Variants in RNF138 observed in about 807,000 individuals in gnomAD.
RNF138 encodes ring finger protein 138.
In RNF138, 12 loss-of-function variants were observed where a neutral mutation model predicts 31.0. That is an observed-to-expected ratio of 0.39 (90% CI 0.25 to 0.63). The LOEUF (loss-of-function observed/expected upper bound fraction) is 0.63. RNF138 is among the 20% of genes least tolerant of loss of function. The probability of loss-of-function intolerance (pLI) is 0.52; values close to 1 mark genes in which losing one functional copy is unlikely to be tolerated. For missense variants in RNF138, 192 were observed against 300.1 expected, an observed-to-expected ratio of 0.64 and a Z score of 2.66; for synonymous variants, 105 against 99.5, an observed-to-expected ratio of 1.06 and a Z score of -0.33.
intron 2 of RNF138, among the ~76,000 whole-genome samples, chr18:32,108,602 G>T (rs1046386799): frequency 2.0e-5 from 3 of 151,906 alleles, no homozygotes; most frequent in Non-Finnish European, 4.4e-5. Flanking sequence ...TTCAGTTTGG[G>T]GCTATTATAA....
In RNF138 at chr18:32,100,468, CTTTTTTTT is replaced by C. The variant is rs754111567; in HGVS notation, c.110+7599_110+7606del. 1.7e-3 allele frequency among the ~76,000 whole-genome samples: 121 copies of C among 69,884 alleles called. 1 individual carries two copies. The highest frequency in any genetic ancestry group is 5.4e-3 in the African/African-American group (99 of 18,368). The allele number at this position is 69,884 out of a possible 152,430, so 45.8% of individuals were successfully genotyped here. A position where few individuals can be genotyped will look rare whatever the true frequency, so the allele number is the denominator to read the frequency against. Reference sequence around the variant, plus strand: ...ATGTGCCACCACCACACCCAACTAACTTTTTTTTTTTTTTTTTTTTTTTTGAGACGGAG... The same window carrying C: ...ATGTGCCACCACCACACCCAACTAACTTTTTTTTTTTTTTTTGAGACGGAG... On this transcript the variant is annotated intron_variant, in intron 2 of 7. Transcript: ENST00000261593.
At chr18:32,107,783 C>T (rs1318203555) in intron 2 of RNF138, among the ~76,000 whole-genome samples, 2 of 151,972 alleles carry the variant, frequency 1.3e-5, no homozygotes, top group Admixed American at 1.3e-4. Flanking sequence ...TCCCAAAGTG[C>T]TGGGATTACA....
chr18:32,099,438 T>A (rs2039878018), intron 2 of RNF138, among the ~76,000 whole-genome samples: 1 of 152,206 alleles, frequency 6.6e-6, no homozygotes, highest in Non-Finnish European at 1.5e-5. Flanking sequence ...AATCTCGCTC[T>A]GTTGCCCAGA....
At position 32,117,169 on chromosome 18, in the gene RNF138, T is replaced by C. The variant is rs568472416; in HGVS notation, c.392+3309T>C. Among the ~76,000 whole-genome samples the C allele has an allele frequency of 2.0e-3, 298 of 152,138 alleles. 3 individuals are homozygous for C. Among genetic ancestry groups the C allele is most frequent in the Middle Eastern group, 3.4e-3 (1 of 294 alleles). Reference sequence around the variant, plus strand: ...CACCTGCCTCGGCCTCCCAAAGTGATGGGATTACAGGCATGAACCACCCGC... The same window carrying C: ...CACCTGCCTCGGCCTCCCAAAGTGACGGGATTACAGGCATGAACCACCCGC... On this transcript the variant is annotated intron_variant, in intron 4 of 7. Transcript: ENST00000261593.
chr18:32,105,463 G>A (rs1197738772), intron 2 of RNF138, among the ~76,000 whole-genome samples: 5 of 152,154 alleles, frequency 3.3e-5, no homozygotes, highest in Admixed American at 6.6e-5. Flanking sequence ...AGTTCCACAC[G>A]TTTTGGAACT....
chr18:32,092,455 G>A (rs1165293981), intron 1 of RNF138, among the ~76,000 whole-genome samples: 2 of 152,022 alleles, frequency 1.3e-5, no homozygotes, highest in Non-Finnish European at 2.9e-5. Context: ...GCGTGAGGCC[G>A]CGTCCTGGGG....
rs182289669 is a variant in RNF138 at position 32,115,614 on chromosome 18, G to A, written c.392+1754G>A. Among the ~76,000 whole-genome samples the A allele has an allele frequency of 9.7e-4, 147 of 152,198 alleles. 1 individual carries two copies. Among genetic ancestry groups the A allele is most frequent in the African/African-American group, 2.9e-3 (121 of 41,532 alleles). Reference sequence around the variant, plus strand: ...ACAAAAATTAGCTGGACGTGGTGGCGCGTGCCTATAGTCCCAGCTACTTGG... The same window carrying A: ...ACAAAAATTAGCTGGACGTGGTGGCACGTGCCTATAGTCCCAGCTACTTGG... On this transcript the variant is annotated intron_variant, in intron 4 of 7. Coordinates refer to ENST00000261593, the MANE Select transcript of RNF138 (RefSeq NM_016271.5).
intron 7 of RNF138, among the ~76,000 whole-genome samples, chr18:32,128,164 T>C (rs765379880): frequency 6.6e-6 from 1 of 152,206 alleles, no homozygotes; most frequent in African/African-American, 2.4e-5. Context: ...GGCATAAAAT[T>C]GATAGCAAAT....
rs1379981886 is a variant in RNF138 at position 32,113,855 on chromosome 18, G to C, written c.387G>C (p.Gly129=). 6 of 1,412,772 alleles carry C rather than the reference G, an allele frequency of 4.2e-6. No individual in the cohort carries two copies. In the South Asian group the frequency reaches 7.6e-5, roughly 18 times the overall value. The allele number at this position is 1,412,772 out of a possible 1,614,324, so 87.5% of individuals were successfully genotyped here. Residue 129 remains glycine, a synonymous_variant, in exon 4 of 8, where the codon GGG becomes GGC. Coordinates refer to ENST00000261593, the MANE Select transcript of RNF138 (RefSeq NM_016271.5). ...PNFQISQDSV[G]NSNRSETSTS... ...TTCAGATCTCTCAAGATTCAGTAGG[G>C]AACAGGTAAGCAATACTTATTCCTA...
chr18:32,102,195 CTTTTT>C (rs1167535943), intron 2 of RNF138, among the ~76,000 whole-genome samples: 5 of 63,812 alleles, frequency 7.8e-5, no homozygotes, highest in South Asian at 6.3e-4. Context: ...CTTTTAGTTT[CTTTTT>C]TTTTTTTTTT....
intron 3 of RNF138, among the ~76,000 whole-genome samples, chr18:32,113,388 A>T (rs896242408): frequency 3.9e-5 from 6 of 152,120 alleles, no homozygotes; most frequent in African/African-American, 1.4e-4. Context: ...AGTGCTTTCT[A>T]ACTCTGCCAG....
chr18:32,123,616 A>G (rs2040340010), intron 5 of RNF138, 42 bp downstream of exon 5: 1 of 1,245,638 alleles, frequency 8.0e-7, no homozygotes, highest in Non-Finnish European at 1.1e-6. Flanking sequence ...AAGTAATATT[A>G]TATTTATCAC....
intron 2 of RNF138, among the ~76,000 whole-genome samples, chr18:32,110,446 C>G (rs1470320853): frequency 6.6e-6 from 1 of 152,180 alleles, no homozygotes; most frequent in African/African-American, 2.4e-5. Context: ...ACAGCCGAAT[C>G]AGTTGTAGAT....
Position 32,121,279 on chromosome 18 carries a change from T to TGAGGTTG in RNF138, c.393-2237_393-2231dup, listed in dbSNP as rs1400412661. Among the ~76,000 whole-genome samples, 4 of 152,288 alleles carry TGAGGTTG rather than the reference T, an allele frequency of 2.6e-5. No homozygotes were observed. The South Asian group carries it at 8.3e-4, about 32-fold the overall frequency. Reference sequence around the variant, plus strand: ...GGGAGGCCAAGGCGGGCAGATCACCTGAGGTTGGGAGTTTGAGACCAGCCT... The same window carrying TGAGGTTG: ...GGGAGGCCAAGGCGGGCAGATCACCTGAGGTTGGAGGTTGGGAGTTTGAGACCAGCCT... On this transcript the variant is annotated intron_variant, in intron 4 of 7. Transcript: ENST00000261593.
At chr18:32,126,851 A>T in intron 7 of RNF138, 51 bp downstream of exon 7, 2 of 1,159,736 alleles carry the variant, frequency 1.7e-6, no homozygotes, top group Non-Finnish European at 1.3e-6. Context: ...ATTAAAGTTA[A>T]AATAACTTTT....
At chr18:32,107,402 T>C (rs2040052306) in intron 2 of RNF138, among the ~76,000 whole-genome samples, 2 of 152,030 alleles carry the variant, frequency 1.3e-5, no homozygotes, top group African/African-American at 4.8e-5. Flanking sequence ...ATTACAGGTG[T>C]GAGCCACTGT....
chr18:32,104,941 A>G (rs2040004485), intron 2 of RNF138, among the ~76,000 whole-genome samples: 2 of 152,306 alleles, frequency 1.3e-5, no homozygotes, highest in Non-Finnish European at 2.9e-5. Context: ...AAATATTTGA[A>G]AAAGAAGAAC....
intron 6 of RNF138, 25 bp downstream of exon 6, chr18:32,124,870 C>A: frequency 9.1e-7 from 1 of 1,099,842 alleles, no homozygotes; most frequent in South Asian, 1.2e-5. Flanking sequence ...TTGAGACAGT[C>A]TTCTGCTTAG....
rs1251278337 is a variant in RNF138, at chr18:32,130,610, A to G, written c.*1423A>G. On this transcript the variant is annotated 3_prime_UTR_variant, in exon 8 of 8. Transcript: ENST00000261593. ...CAGAAGTAGTTTGCTGCTAATATAT[A>G]CATATATTGTATAAAAAGGTATATT... 1 of 152,466 alleles carries G rather than the reference A, an allele frequency of 6.6e-6. No individual in the cohort carries two copies. Among genetic ancestry groups the G allele is most frequent in the Non-Finnish European group, 1.5e-5 (1 of 67,888 alleles). The allele number at this position is 152,466 out of a possible 1,614,324, so 9.4% of individuals were successfully genotyped here.
Sources: gnomAD v4.1 joint callset for allele counts (sites outside exome capture counted in the v4.1 genomes callset) on GRCh38, gnomAD v4.1.1 for gene constraint, MANE v1.5 for transcripts, NCBI Gene and HGNC (gene_info 2026-07-23, HGNC 2026-07-21) for gene names.